The following ME1 variants were observed in gnomAD, a reference collection of about 807,000 sequenced individuals.
ME1 encodes the protein malic enzyme 1.
Under a neutral mutation model 66.4 loss-of-function variants are expected in ME1, and 74 were observed. The ratio of observed to expected loss-of-function variants is 1.11; its 90% CI spans 0.92 to 1.35. ME1 has a LOEUF of 1.35. Ranked by LOEUF, ME1 falls within the 40% of genes most tolerant of loss-of-function variation. The pLI, the probability that ME1 is intolerant of heterozygous loss-of-function variation, is 0.00. For missense variants in ME1, 750 were observed against 694.1 expected (o/e 1.08, Z -0.90); for synonymous variants, 251 against 235.6 (o/e 1.07, Z -0.60).
intron 6 of ME1, among the ~76,000 whole-genome samples, chr6:83,259,494 A>G (rs1482478012): frequency 6.6e-6 from 1 of 152,198 alleles, no homozygotes; most frequent in Non-Finnish European, 1.5e-5. Context: ...TAAAGAACCA[A>G]TGATAGAATA....
At chr6:83,222,953 T>C (rs1014432253) in intron 12 of ME1, among the ~76,000 whole-genome samples, 1 of 152,208 alleles carries the variant, frequency 6.6e-6, no homozygotes, top group South Asian at 2.1e-4. Context: ...AATGATTTTA[T>C]AAACAACTAA....
At position 83,418,573 on chromosome 6, in the gene ME1, G is replaced by A. The variant is rs577092217; in HGVS notation, c.79-10672C>T. ...AAACACTCTCACTGACACTACAAGA[G>A]TTACAAGAGTAATGTTTGAACAAAT... On this transcript the variant is annotated intron_variant, in intron 1 of 13. Transcript: ENST00000369705. Among the ~76,000 whole-genome samples the A allele has an allele frequency of 7.9e-5, 12 of 152,286 alleles. 1 individual carries two copies. The South Asian group carries it at 2.5e-3, about 32-fold the overall frequency.
At chr6:83,312,172 GAGA>G (rs1767942653) in intron 6 of ME1, among the ~76,000 whole-genome samples, 1 of 152,154 alleles carries the variant, frequency 6.6e-6, no homozygotes, top group Non-Finnish European at 1.5e-5. Context: ...CTATGCACTG[GAGA>G]AGGACTATTC....
chr6:83,257,350 G>T (rs1277119520), intron 6 of ME1, among the ~76,000 whole-genome samples: 2 of 151,814 alleles, frequency 1.3e-5, no homozygotes, highest in African/African-American at 4.8e-5. Flanking sequence ...GTAAAATGTA[G>T]GGAAATACAA....
intron 8 of ME1, among the ~76,000 whole-genome samples, chr6:83,239,074 T>A (rs576278982): frequency 5.2e-4 from 79 of 151,912 alleles, no homozygotes; most frequent in African/African-American, 1.8e-3. Flanking sequence ...AGTAATAATA[T>A]ACTACAAATC....
chr6:83,214,574 T>A (rs1789956856), intron 13 of ME1, among the ~76,000 whole-genome samples: 1 of 152,192 alleles, frequency 6.6e-6, no homozygotes, highest in South Asian at 2.1e-4. Flanking sequence ...CTTCTCTTCT[T>A]AACTGGCATC....
At chr6:83,230,893 A>G (rs1790295899) in intron 9 of ME1, among the ~76,000 whole-genome samples, 1 of 152,180 alleles carries the variant, frequency 6.6e-6, no homozygotes. Flanking sequence ...AGATCACACC[A>G]CTGCACTCCA....
At chr6:83,244,358 A>G (rs1790576687) in intron 7 of ME1, among the ~76,000 whole-genome samples, 1 of 152,172 alleles carries the variant, frequency 6.6e-6, no homozygotes, top group Non-Finnish European at 1.5e-5. Flanking sequence ...AACTGTGTGC[A>G]GTGTTGCTGA....
chr6:83,307,718 A>G (rs1011424948), intron 6 of ME1, among the ~76,000 whole-genome samples: 2 of 152,078 alleles, frequency 1.3e-5, no homozygotes, highest in Admixed American at 6.6e-5. Flanking sequence ...AGAAATGGAG[A>G]AAGAAGGAGG....
intron 9 of ME1, among the ~76,000 whole-genome samples, chr6:83,232,663 A>G (rs2128524626): frequency 6.6e-6 from 1 of 152,322 alleles, no homozygotes; most frequent in African/African-American, 2.4e-5. Context: ...TTATTAAACC[A>G]CATTGTATGA....
chr6:83,392,076 A>C (rs1769632546), intron 3 of ME1, among the ~76,000 whole-genome samples: 1 of 152,264 alleles, frequency 6.6e-6, no homozygotes, highest in African/African-American at 2.4e-5. Context: ...CATCTAATAT[A>C]GTAAAAGCTC....
chr6:83,248,830 C>T (rs776140603), intron 7 of ME1, among the ~76,000 whole-genome samples: 8 of 152,070 alleles, frequency 5.3e-5, no homozygotes, highest in Non-Finnish European at 7.4e-5. Context: ...CATAAATTAC[C>T]CAGTCTCAGG....
At chr6:83,343,570 T>G (rs535101587) in intron 5 of ME1, among the ~76,000 whole-genome samples, 1 of 152,218 alleles carries the variant, frequency 6.6e-6, no homozygotes, top group Non-Finnish European at 1.5e-5. Context: ...GATTATTTTC[T>G]AATTATCAGC....
chr6:83,235,330 T>C (rs567360923), intron 9 of ME1, among the ~76,000 whole-genome samples: 1 of 152,226 alleles, frequency 6.6e-6, no homozygotes, highest in African/African-American at 2.4e-5. Context: ...AAGGGCTTTA[T>C]TGAATCCCCA....
At chr6:83,301,247 C>T (rs1425989662) in intron 6 of ME1, among the ~76,000 whole-genome samples, 5 of 150,476 alleles carry the variant, frequency 3.3e-5, no homozygotes, top group African/African-American at 1.2e-4. Flanking sequence ...TGCTTCCTTT[C>T]TCTTTCTTTC....
intron 1 of ME1, among the ~76,000 whole-genome samples, chr6:83,420,198 G>T (rs767821152): frequency 6.6e-6 from 1 of 152,072 alleles, no homozygotes; most frequent in Non-Finnish European, 1.5e-5. Context: ...CTCCCAAGTA[G>T]CTGGGACTAC....
chr6:83,214,243 T>C (rs1789950726), intron 13 of ME1, among the ~76,000 whole-genome samples: 1 of 152,228 alleles, frequency 6.6e-6, no homozygotes. Context: ...CTCCTCTTTC[T>C]GCTCCCAGTT....
chr6:83,363,274 T>C (rs1375108769), intron 3 of ME1, among the ~76,000 whole-genome samples: 3 of 152,172 alleles, frequency 2.0e-5, no homozygotes, highest in East Asian at 3.8e-4. Flanking sequence ...TCCATTAAAC[T>C]GGAAGTTAAG....
chr6:83,224,385 T>G (rs188311530), intron 11 of ME1, among the ~76,000 whole-genome samples: 2 of 152,182 alleles, frequency 1.3e-5, no homozygotes, highest in African/African-American at 2.4e-5. Flanking sequence ...ATTTCTATAT[T>G]GTAAAGAGTT....
Sources: allele counts gnomAD v4.1 joint callset (sites outside exome capture counted in the v4.1 genomes callset), GRCh38; gene constraint gnomAD v4.1.1; transcripts MANE v1.5; gene names NCBI Gene and HGNC (gene_info 2026-07-23, HGNC 2026-07-21).